Variants in FALEC observed in about 807,000 individuals in gnomAD.
FALEC encodes focally amplified lncRNA on chromosome 1.
At chr1:150,522,891 A>G (rs186364728), downstream of FALEC, among the ~76,000 whole-genome samples, 5,140 of 71,632 alleles carry the variant, frequency 0.072, 439 homozygotes, top group African/African-American at 0.11. Flanking sequence ...ATATATACGT[A>G]TATATATATA....
At chr1:150,528,225 T>C in the FALEC span, among the ~76,000 whole-genome samples, 2 of 152,226 alleles carry the variant, frequency 1.3e-5, no homozygotes, top group Non-Finnish European at 2.9e-5. Context: ...GATGATGTTA[T>C]ATAAGGAAGG....
the FALEC span, among the ~76,000 whole-genome samples, chr1:150,529,041 C>CAAAAAAAAAAAAAAAAAAAAAAAAA: frequency 2.0e-4 from 12 of 58,682 alleles, no homozygotes; most frequent in African/African-American, 3.4e-4. Context: ...AAAAAAAAAT[C>CAAAAAAAAAAAAAAAAAAAAAAAAA]AAAGGATCTA....
chr1:150,534,388 T>A, the FALEC span, among the ~76,000 whole-genome samples: 17 of 152,310 alleles, frequency 1.1e-4, no homozygotes, highest in African/African-American at 3.8e-4. Context: ...AAGAGGCACC[T>A]GGCTGGCCCC....
the FALEC span, among the ~76,000 whole-genome samples, chr1:150,536,578 G>C: frequency 3.9e-5 from 6 of 152,172 alleles, no homozygotes; most frequent in Admixed American, 3.3e-4. Flanking sequence ...GATCACTGGA[G>C]CTCCCTCAAG....
downstream of FALEC, among the ~76,000 whole-genome samples, chr1:150,522,897 A>ACGTG (rs1462770928): frequency 3.0e-5 from 2 of 66,836 alleles, no homozygotes; most frequent in African/African-American, 1.2e-4. Flanking sequence ...ACGTATATAT[A>ACGTG]TATATACATA....
the FALEC span, among the ~76,000 whole-genome samples, chr1:150,526,930 G>A: frequency 3.4e-4 from 51 of 151,482 alleles, no homozygotes; most frequent in Non-Finnish European, 6.5e-4. Flanking sequence ...CACCACGCCT[G>A]GCCTATATAT....
At chr1:150,520,481 G>A (rs1240613812), downstream of FALEC, among the ~76,000 whole-genome samples, 3 of 152,136 alleles carry the variant, frequency 2.0e-5, no homozygotes, top group African/African-American at 7.2e-5. Context: ...CCATGTTACA[G>A]CATGTATCAG....
chr1:150,516,852 G>T (rs1003654486), intron 1 of FALEC, among the ~76,000 whole-genome samples: 24 of 152,148 alleles, frequency 1.6e-4, no homozygotes, highest in African/African-American at 5.8e-4. Context: ...TGGCTATAAC[G>T]AAGACTACAA....
At chr1:150,519,781 G>A (rs935423091), downstream of FALEC, among the ~76,000 whole-genome samples, 2 of 151,298 alleles carry the variant, frequency 1.3e-5, no homozygotes, top group African/African-American at 2.4e-5. Flanking sequence ...CAGGAGAATC[G>A]CTTGAACCTG....
intron 1 of FALEC, among the ~76,000 whole-genome samples, chr1:150,517,381 A>G (rs1670581624): frequency 6.6e-6 from 1 of 151,822 alleles, no homozygotes; most frequent in South Asian, 2.1e-4. Flanking sequence ...GGTTGAGAGA[A>G]CCTGTTTGCT....
downstream of FALEC, among the ~76,000 whole-genome samples, chr1:150,519,178 C>T (rs1326676360): frequency 6.6e-6 from 1 of 152,122 alleles, no homozygotes; most frequent in African/African-American, 2.4e-5. Context: ...TCCCAGAGGC[C>T]CCCACAGTGC....
At chr1:150,531,357 C>T in the FALEC span, among the ~76,000 whole-genome samples, 235 of 152,130 alleles carry the variant, frequency 1.5e-3, 1 homozygote, top group Non-Finnish European at 2.6e-3. Context: ...AGCCTGTAAT[C>T]CCAGCTACTC....
At chr1:150,522,849 C>A (rs180716169), downstream of FALEC, among the ~76,000 whole-genome samples, 18,383 of 89,790 alleles carry the variant, frequency 0.2, 3,327 homozygotes, top group Non-Finnish European at 0.25. Context: ...CTCTCTCTCT[C>A]TCTATATATA....
At chr1:150,522,976 TATA>T (rs1271404469), downstream of FALEC, among the ~76,000 whole-genome samples, 260 of 50,124 alleles carry the variant, frequency 5.2e-3, 20 homozygotes, top group Non-Finnish European at 6.7e-3. Context: ...TATATATATA[TATA>T]TATATTTTTT....
chr1:150,525,652 G>A, the FALEC span, among the ~76,000 whole-genome samples: 30 of 152,136 alleles, frequency 2.0e-4, no homozygotes, highest in African/African-American at 6.3e-4. Flanking sequence ...CTGTCACCCA[G>A]ACACGAATGC....
the FALEC span, among the ~76,000 whole-genome samples, chr1:150,532,850 G>C: frequency 3.3e-5 from 5 of 152,220 alleles, no homozygotes; most frequent in Non-Finnish European, 7.3e-5. Flanking sequence ...AGAGAAAAAG[G>C]GTGCTGGGGG....
chr1:150,526,177 C>T, the FALEC span, among the ~76,000 whole-genome samples: 2 of 151,776 alleles, frequency 1.3e-5, no homozygotes, highest in Non-Finnish European at 2.9e-5. Context: ...GGTGAAACCC[C>T]GTCTCTACTA....
chr1:150,526,758 C>T, the FALEC span, among the ~76,000 whole-genome samples: 2 of 151,994 alleles, frequency 1.3e-5, no homozygotes, highest in Non-Finnish European at 2.9e-5. Context: ...CTCAGCCTCC[C>T]AAGTAGTTGG....
downstream of FALEC, among the ~76,000 whole-genome samples, chr1:150,522,894 T>TATATATATAC (rs1310341973): frequency 1.3e-5 from 1 of 75,992 alleles, no homozygotes; most frequent in Non-Finnish European, 2.9e-5. Context: ...TATACGTATA[T>TATATATATAC]ATATATATAC....
Sources: gnomAD v4.1 joint callset for allele counts (sites outside exome capture counted in the v4.1 genomes callset) on GRCh38, gnomAD v4.1.1 for gene constraint, MANE v1.5 for transcripts, NCBI Gene and HGNC (gene_info 2026-07-23, HGNC 2026-07-21) for gene names.